The following RBFOX1 variants were observed in gnomAD, a reference collection of about 807,000 sequenced individuals.
RBFOX1 encodes the protein RNA binding fox-1 homolog 1, also known as RNA binding protein fox-1 homolog 1.
Under a neutral mutation model 57.7 loss-of-function variants are expected in RBFOX1, and 8 were observed. The observed-to-expected ratio is 0.14, with a 90% CI of 0.08 to 0.25. The LOEUF (loss-of-function observed/expected upper bound fraction) is 0.25. RBFOX1 is among the 10% of genes least tolerant of loss of function. RBFOX1 has a pLI of 1.00. For missense variants in RBFOX1, 611 were observed against 548.5 expected (o/e 1.11, Z -1.14); for synonymous variants, 326 against 222.4 (o/e 1.47, Z -4.15).
intron 1 of RBFOX1, among the ~76,000 whole-genome samples, chr16:5,371,781 TTGCACCTTGGCCCTGGGC>T (rs1166509933): frequency 3.3e-5 from 5 of 152,058 alleles, no homozygotes; most frequent in Non-Finnish European, 5.9e-5. Flanking sequence ...TGGCCCTGGG[TTGCACCTTGGCCCTGGGC>T]TGCAGATACC....
chr16:6,372,004 C>G (rs377008389), intron 2 of RBFOX1, among the ~76,000 whole-genome samples: 25 of 152,102 alleles, frequency 1.6e-4, no homozygotes, highest in African/African-American at 6.0e-4. Context: ...AGATTAGGTA[C>G]TAATATTAAT....
chr16:7,126,555 G>A (rs986127524), intron 4 of RBFOX1: 7 of 210,746 alleles, frequency 3.3e-5, no homozygotes, highest in Admixed American at 1.3e-4. Flanking sequence ...TTGGGCACGC[G>A]CTGGGCACAG....
intron 4 of RBFOX1, among the ~76,000 whole-genome samples, chr16:7,228,366 C>T (rs780016871): frequency 1.2e-4 from 19 of 152,110 alleles, no homozygotes; most frequent in East Asian, 3.9e-4. Context: ...TACTACCCCC[C>T]GCTGTCATTA....
At chr16:5,716,149 C>A (rs916657317) in intron 3 of RBFOX1, among the ~76,000 whole-genome samples, 2 of 152,268 alleles carry the variant, frequency 1.3e-5, no homozygotes. Flanking sequence ...TTCACGTAAA[C>A]CTTTGGAAGC....
chr16:7,552,655 T>G (rs765330649), intron 5 of RBFOX1, among the ~76,000 whole-genome samples: 6 of 152,188 alleles, frequency 3.9e-5, no homozygotes, highest in Admixed American at 2.6e-4. Flanking sequence ...ACCCATTCTT[T>G]GTTGTGAACG....
intron 5 of RBFOX1, among the ~76,000 whole-genome samples, chr16:7,563,634 A>AT (rs2090970970): frequency 6.6e-6 from 1 of 151,954 alleles, no homozygotes; most frequent in Non-Finnish European, 1.5e-5. Flanking sequence ...CACTTGGCTA[A>AT]TTTTTTGTAC....
intron 3 of RBFOX1, among the ~76,000 whole-genome samples, chr16:6,673,555 C>A (rs534464343): frequency 2.0e-5 from 3 of 152,102 alleles, no homozygotes; most frequent in African/African-American, 7.2e-5. Context: ...AGTGAGCCTA[C>A]ATTGCGCCAC....
intron 2 of RBFOX1, among the ~76,000 whole-genome samples, chr16:6,644,090 C>T (rs996934592): frequency 2.0e-4 from 31 of 152,292 alleles, no homozygotes; most frequent in African/African-American, 7.2e-4. Context: ...CACCCTACTG[C>T]ACTCCAACCT....
chr16:6,875,203 C>T lies in RBFOX1; in HGVS notation c.-15-176854C>T, dbSNP rs139403003. ...TCTTCTTTGTATTATTATAGTGCTA[C>T]GGTTGATGATGATGATATTATCACT... On this transcript the variant is annotated intron_variant, in intron 3 of 15. Coordinates refer to ENST00000550418, the MANE Select transcript of RBFOX1 (RefSeq NM_018723.4). Among the ~76,000 whole-genome samples, 439 of 152,218 alleles carry T rather than the reference C, an allele frequency of 2.9e-3. 1 individual carries two copies. Among genetic ancestry groups the T allele is most frequent in the South Asian group, 1.0e-2 (48 of 4,824 alleles).
intron 2 of RBFOX1, among the ~76,000 whole-genome samples, chr16:5,496,495 C>G (rs1372955489): frequency 6.6e-6 from 1 of 152,144 alleles, no homozygotes; most frequent in East Asian, 1.9e-4. Context: ...CTAGTCACAT[C>G]TTCTTTCCTC....
At chr16:7,037,442 G>A (rs889522132) in intron 3 of RBFOX1, among the ~76,000 whole-genome samples, 4 of 151,768 alleles carry the variant, frequency 2.6e-5, no homozygotes, top group African/African-American at 9.7e-5. Flanking sequence ...TATTCAAGAT[G>A]GAGTTGCTCT....
At chr16:7,159,493 T>G (rs2077836818) in intron 4 of RBFOX1, among the ~76,000 whole-genome samples, 1 of 152,186 alleles carries the variant, frequency 6.6e-6, no homozygotes, top group African/African-American at 2.4e-5. Context: ...AGGGGACTAG[T>G]GATAGGCTGG....
chr16:7,157,345 A>G (rs2077366789), intron 4 of RBFOX1, among the ~76,000 whole-genome samples: 1 of 152,298 alleles, frequency 6.6e-6, no homozygotes, highest in East Asian at 1.9e-4. Context: ...GTAATATGAG[A>G]TACCATTTCA....
intron 4 of RBFOX1, among the ~76,000 whole-genome samples, chr16:7,281,234 C>T (rs955024550): frequency 2.0e-5 from 3 of 151,858 alleles, no homozygotes; most frequent in Admixed American, 1.3e-4. Flanking sequence ...GACTCCTGAA[C>T]TTAAGTGATC....
intron 5 of RBFOX1, among the ~76,000 whole-genome samples, chr16:7,555,691 C>T (rs1419946978): frequency 6.6e-6 from 1 of 152,140 alleles, no homozygotes; most frequent in Non-Finnish European, 1.5e-5. Context: ...ACCGCAGGAC[C>T]TTTGCACTGG....
intron 3 of RBFOX1, among the ~76,000 whole-genome samples, chr16:6,792,583 G>A (rs997274170): frequency 2.0e-5 from 3 of 152,168 alleles, no homozygotes; most frequent in Admixed American, 2.0e-4. Flanking sequence ...GTAGTACTGT[G>A]CCTCCTACTA....
At chr16:7,075,239 GTGCTTCAT>G (rs760627722) in intron 4 of RBFOX1, among the ~76,000 whole-genome samples, 85 of 152,294 alleles carry the variant, frequency 5.6e-4, no homozygotes, top group Non-Finnish European at 1.0e-3. Context: ...AACAGTAAAA[GTGCTTCAT>G]TGCTCAGTGA....
At chr16:5,408,386 C>T (rs949488148) in intron 1 of RBFOX1, among the ~76,000 whole-genome samples, 1 of 152,138 alleles carries the variant, frequency 6.6e-6, no homozygotes, top group Non-Finnish European at 1.5e-5. Context: ...GCAAGGCAGG[C>T]TGGGGGCAGC....
At chr16:6,808,356 C>A (rs868758895) in intron 3 of RBFOX1, among the ~76,000 whole-genome samples, 1 of 151,956 alleles carries the variant, frequency 6.6e-6, no homozygotes, top group Admixed American at 6.6e-5. Flanking sequence ...CACTGAAGCA[C>A]CCTTGTCACT....
Sources: allele counts gnomAD v4.1 joint callset (sites outside exome capture counted in the v4.1 genomes callset), GRCh38; gene constraint gnomAD v4.1.1; transcripts MANE v1.5; gene names NCBI Gene and HGNC (gene_info 2026-07-23, HGNC 2026-07-21).